LRRC28: variants seen among roughly 807,000 people sequenced by gnomAD.
The protein encoded by LRRC28 is leucine rich repeat containing 28.
LRRC28 carries 39 observed loss-of-function variants against 45.7 expected under a neutral mutation model. The ratio of observed to expected loss-of-function variants is 0.85; its 90% confidence interval spans 0.66 to 1.12. The LOEUF is 1.12. LRRC28 is among the 50% of genes most tolerant of loss of function. LRRC28 has a pLI of 0.00. For missense variants in LRRC28, 435 were observed against 438.5 expected, an observed-to-expected ratio of 0.99 and a Z score of 0.07; for synonymous variants, 206 against 178.8, an observed-to-expected ratio of 1.15 and a Z score of -1.22.
chr15:99,328,724 G>C (rs752786736), intron 5 of LRRC28, among the ~76,000 whole-genome samples: 2 of 148,710 alleles, frequency 1.3e-5, no homozygotes, highest in African/African-American at 2.5e-5. Flanking sequence ...AAATACTGAA[G>C]GTGAATTGGT....
At chr15:99,302,498 C>T (rs1237644480) in intron 5 of LRRC28, among the ~76,000 whole-genome samples, 2 of 152,180 alleles carry the variant, frequency 1.3e-5, no homozygotes, top group Non-Finnish European at 2.9e-5. Context: ...AAGCAATTCT[C>T]CTGCCTCAGC....
chr15:99,274,774 G>A (rs187765111), intron 2 of LRRC28, among the ~76,000 whole-genome samples: 112 of 152,236 alleles, frequency 7.4e-4, no homozygotes, highest in African/African-American at 2.6e-3. Flanking sequence ...TGTAGTTATA[G>A]CAGAATGGAT....
chr15:99,257,959 T>C, intron 2 of LRRC28: 1 of 792,680 alleles, frequency 1.3e-6, no homozygotes, highest in South Asian at 1.4e-5. Flanking sequence ...ACGCTTTAGT[T>C]AAGATAAGGC....
intron 5 of LRRC28, among the ~76,000 whole-genome samples, chr15:99,308,676 AAAAT>A (rs1325817191): frequency 6.6e-6 from 1 of 152,238 alleles, no homozygotes; most frequent in African/African-American, 2.4e-5. Flanking sequence ...CTGTCTCCAA[AAAAT>A]AAATAAATGA....
intron 5 of LRRC28, among the ~76,000 whole-genome samples, chr15:99,295,558 C>A (rs1397077201): frequency 1.3e-5 from 2 of 152,118 alleles, no homozygotes; most frequent in African/African-American, 2.4e-5. Flanking sequence ...AATCTGATAC[C>A]TTTGTGAGTT....
chr15:99,330,880 A>T (rs1411306819), intron 5 of LRRC28, among the ~76,000 whole-genome samples: 1 of 151,814 alleles, frequency 6.6e-6, no homozygotes, highest in Non-Finnish European at 1.5e-5. Context: ...TTTTAACTAT[A>T]TATTTTTAGT....
intron 3 of LRRC28, among the ~76,000 whole-genome samples, chr15:99,277,725 T>C (rs901412956): frequency 6.6e-6 from 1 of 152,316 alleles, no homozygotes; most frequent in East Asian, 1.9e-4. Flanking sequence ...TGTATGTATA[T>C]GTGTATTTAT....
At chr15:99,385,123 A>C (rs1957942855) in intron 9 of LRRC28, among the ~76,000 whole-genome samples, 1 of 152,080 alleles carries the variant, frequency 6.6e-6, no homozygotes, top group Admixed American at 6.6e-5. Flanking sequence ...TAGGAGCTCC[A>C]GTCCCAGAGG....
intron 5 of LRRC28, among the ~76,000 whole-genome samples, chr15:99,314,861 G>T (rs950078402): frequency 6.6e-6 from 1 of 152,084 alleles, no homozygotes; most frequent in Non-Finnish European, 1.5e-5. Context: ...GCATTTTTTT[G>T]AAGTGTGGCT....
At chr15:99,326,309 A>T (rs1013550823) in intron 5 of LRRC28, among the ~76,000 whole-genome samples, 1 of 152,218 alleles carries the variant, frequency 6.6e-6, no homozygotes, top group African/African-American at 2.4e-5. Flanking sequence ...TCCAGATATC[A>T]TTTTACAGCA....
intron 5 of LRRC28, among the ~76,000 whole-genome samples, chr15:99,290,129 T>TGG (rs1567631338): frequency 6.6e-6 from 1 of 151,178 alleles, no homozygotes; most frequent in South Asian, 2.1e-4. Flanking sequence ...GTGGTGGCAT[T>TGG]GTGCCTATAG....
chr15:99,301,667 T>C (rs181929648), intron 5 of LRRC28, among the ~76,000 whole-genome samples: 10 of 152,338 alleles, frequency 6.6e-5, no homozygotes, highest in Non-Finnish European at 1.2e-4. Flanking sequence ...ATACTAGCTC[T>C]AGCAGGTTTG....
chr15:99,262,512 G>A (rs936630823), intron 2 of LRRC28, among the ~76,000 whole-genome samples: 1 of 152,208 alleles, frequency 6.6e-6, no homozygotes, highest in Admixed American at 6.5e-5. Context: ...AACCTGCAAG[G>A]TGGAGGTTGC....
At chr15:99,360,128 A>G (rs561077305) in intron 7 of LRRC28, among the ~76,000 whole-genome samples, 1 of 152,242 alleles carries the variant, frequency 6.6e-6, no homozygotes, top group African/African-American at 2.4e-5. Context: ...AACTTCAGCT[A>G]ATATTCCTGG....
chr15:99,271,312 T>C (rs1837708827), intron 2 of LRRC28, among the ~76,000 whole-genome samples: 2 of 151,204 alleles, frequency 1.3e-5, no homozygotes, highest in Admixed American at 6.6e-5. Flanking sequence ...ATGAGTCTCA[T>C]TCTATTGCCA....
chr15:99,296,069 T>C (rs1186977851), intron 5 of LRRC28, among the ~76,000 whole-genome samples: 1 of 152,198 alleles, frequency 6.6e-6, no homozygotes, highest in African/African-American at 2.4e-5. Context: ...AGCCAGAGCC[T>C]GGTCCTCTAG....
intron 5 of LRRC28, chr15:99,297,334 ACCT>A (rs2082291617): frequency 1.3e-5 from 2 of 151,056 alleles, no homozygotes; most frequent in Non-Finnish European, 2.9e-5. Flanking sequence ...TGCAGCCTTG[ACCT>A]CCTGGGCTCA....
chr15:99,312,536 G>A (rs1232015299), intron 5 of LRRC28, among the ~76,000 whole-genome samples: 1 of 152,114 alleles, frequency 6.6e-6, no homozygotes, highest in Non-Finnish European at 1.5e-5. Flanking sequence ...TTTTTTATAA[G>A]TAGACGGAGT....
At position 99,387,942 on chromosome 15, in the gene LRRC28, G is replaced by A. The variant is rs560956441; in HGVS notation, c.*1840G>A. The A allele has an allele frequency of 3.9e-5, 6 of 152,300 alleles. No individual in the cohort carries two copies. Among genetic ancestry groups the A allele is most frequent in the South Asian group, 2.1e-4 (1 of 4,832 alleles). 9.4% of individuals were successfully genotyped at this position (152,300 alleles called of 1,614,324 possible). ...GCTGCCCGGAAAGCACACCGTCCAC[G>A]TAGAATGGAGAAGGCAGAAAGTTAC... On this transcript the variant is annotated 3_prime_UTR_variant, in exon 10 of 10. Coordinates refer to ENST00000301981, the MANE Select transcript of LRRC28 (RefSeq NM_144598.5).
Sources: gnomAD v4.1 joint callset for allele counts (sites outside exome capture counted in the v4.1 genomes callset) on GRCh38, gnomAD v4.1.1 for gene constraint, MANE v1.5 for transcripts, NCBI Gene and HGNC (gene_info 2026-07-23, HGNC 2026-07-21) for gene names.